The following GPR141 variants were observed in gnomAD, a reference collection of about 807,000 sequenced individuals.
GPR141 encodes G protein-coupled receptor 141.
GPR141 carries 6 observed loss-of-function variants against 6.8 expected under a neutral mutation model. The observed-to-expected ratio is 0.88, with a 90% confidence interval of 0.48 to 1.74. GPR141 has a LOEUF of 1.74. Ranked by LOEUF, GPR141 falls within the 40% of genes most tolerant of loss-of-function variation. GPR141 has a pLI of 0.01. For synonymous variants in GPR141, 140 were observed against 142.3 expected, an observed-to-expected ratio of 0.98 and a Z score of 0.11; for missense variants, 372 against 372.9, an observed-to-expected ratio of 1.00 and a Z score of 0.02.
Position 37,740,442 on chromosome 7 carries a change from A to T in GPR141, c.49A>T (p.Thr17Ser), listed in dbSNP as rs1812476043. 2 of 1,613,364 alleles carry T rather than the reference A, an allele frequency of 1.2e-6. No individual in the cohort carries two copies. The highest frequency in any genetic ancestry group is 8.5e-7 in the Non-Finnish European group (1 of 1,179,548). The change falls in exon 3 of 3, where the codon ACA becomes TCA. Residue 17 changes from threonine (T) to serine (S), a missense_variant. By Grantham distance (58) the Thr-to-Ser change is moderately conservative. Coordinates refer to ENST00000334425, the MANE Select transcript of GPR141 (RefSeq NM_001381946.1). ...GAATTCCTCTTGCGATCCTATAGTGACACCCCACTTAATCAGCCTCTACTT... is the reference window on the plus strand; with the variant it reads ...GAATTCCTCTTGCGATCCTATAGTGTCACCCCACTTAATCAGCCTCTACTT... ...SRNSSCDPIV[T>S]PHLISLYFIV...
chr7:37,707,595 T>C (rs1403987111), intron 2 of GPR141, among the ~76,000 whole-genome samples: 1 of 152,206 alleles, frequency 6.6e-6, no homozygotes, highest in African/African-American at 2.4e-5. Context: ...AAAAACTTTA[T>C]GAAACGGGTA....
intron 2 of GPR141, among the ~76,000 whole-genome samples, chr7:37,694,639 A>G (rs187105364): frequency 6.6e-6 from 1 of 152,380 alleles, no homozygotes; most frequent in African/African-American, 2.4e-5. Context: ...TACAAGAAAC[A>G]TGGCAGGTGT....
At chr7:37,713,661 A>G (rs1022903663) in intron 2 of GPR141, among the ~76,000 whole-genome samples, 3 of 152,176 alleles carry the variant, frequency 2.0e-5, no homozygotes, top group Non-Finnish European at 4.4e-5. Flanking sequence ...TATATCTGCA[A>G]TTGTTCTGCC....
At chr7:37,684,889 G>A (rs1313128957) in intron 1 of GPR141, among the ~76,000 whole-genome samples, 3 of 152,212 alleles carry the variant, frequency 2.0e-5, no homozygotes, top group Non-Finnish European at 4.4e-5. Flanking sequence ...CAATGGATGA[G>A]GAATCAGGTG....
intron 2 of GPR141, among the ~76,000 whole-genome samples, chr7:37,736,525 CA>C (rs1444593606): frequency 6.9e-6 from 1 of 144,352 alleles, no homozygotes. Context: ...GGCAAAAGTG[CA>C]AAAAAATCTT....
intron 2 of GPR141, among the ~76,000 whole-genome samples, chr7:37,710,808 T>C (rs146032420): frequency 6.6e-6 from 1 of 152,320 alleles, no homozygotes; most frequent in East Asian, 1.9e-4. Context: ...ATATTTTGAT[T>C]GCTATTTACT....
chr7:37,736,886 A>G (rs889170020), intron 2 of GPR141, among the ~76,000 whole-genome samples: 6 of 152,212 alleles, frequency 3.9e-5, no homozygotes, highest in Non-Finnish European at 8.8e-5. Context: ...AGAAAACTAA[A>G]TGGACAAAAA....
At chr7:37,732,880 T>C (rs1812041910) in intron 2 of GPR141, among the ~76,000 whole-genome samples, 1 of 152,082 alleles carries the variant, frequency 6.6e-6, no homozygotes, top group African/African-American at 2.4e-5. Context: ...TTACAAAGCT[T>C]GAGGTGGAGA....
At chr7:37,739,610 T>C (rs1488199055) in intron 2 of GPR141, among the ~76,000 whole-genome samples, 1 of 152,158 alleles carries the variant, frequency 6.6e-6, no homozygotes, top group Non-Finnish European at 1.5e-5. Flanking sequence ...TGAATAAGAA[T>C]ATGGAGAATG....
At chr7:37,691,825 C>G (rs78275728) in intron 2 of GPR141, among the ~76,000 whole-genome samples, 1 of 152,080 alleles carries the variant, frequency 6.6e-6, no homozygotes, top group African/African-American at 2.4e-5. Flanking sequence ...CCCTTTAACA[C>G]TTTGAATATG....
At chr7:37,717,947 G>A (rs1461033768) in intron 2 of GPR141, among the ~76,000 whole-genome samples, 1 of 152,040 alleles carries the variant, frequency 6.6e-6, no homozygotes, top group Non-Finnish European at 1.5e-5. Flanking sequence ...TGGATCCCCT[G>A]GTCTAATTGC....
Position 37,740,854 on chromosome 7 carries a change from G to T in GPR141, c.461G>T (p.Arg154Leu). ...ATTGTGGTACCCCTGGTTGTCTCCC[G>T]GTATGGAATCCATGAGGAATACAAT... Reference protein sequence around the residue: ...IVIVVPLVVSRYGIHEEYNEE... With the variant: ...IVIVVPLVVSLYGIHEEYNEE... The change falls in exon 3 of 3, where the codon CGG becomes CTG. Residue 154 changes from arginine to leucine, a missense_variant. Coordinates refer to ENST00000334425, the MANE Select transcript of GPR141 (RefSeq NM_001381946.1). 6.2e-7 allele frequency: 1 copy of T among 1,614,058 alleles called. No individual in the cohort carries two copies. The highest frequency in any genetic ancestry group is 8.5e-7 in the Non-Finnish European group (1 of 1,179,932).
chr7:37,729,003 G>A lies in GPR141; in HGVS notation c.-14-11377G>A, dbSNP rs1014441712. Among the ~76,000 whole-genome samples, 4 of 152,196 alleles carry A rather than the reference G, an allele frequency of 2.6e-5. No individual in the cohort carries two copies. The South Asian group carries it at 8.3e-4, about 32-fold the overall frequency. On this transcript the variant is annotated intron_variant, in intron 2 of 2. Transcript: ENST00000334425. ...TCTAGTTGTTTAGCTGTACATTTGG[G>A]TCCTAGAGAAACAAGAAGCAAGCTG...
At chr7:37,713,134 A>G (rs2131793885) in intron 2 of GPR141, among the ~76,000 whole-genome samples, 1 of 152,356 alleles carries the variant, frequency 6.6e-6, no homozygotes, top group South Asian at 2.1e-4. Context: ...GGCCAGAAGT[A>G]CATTATGCTC....
At chr7:37,684,660 A>T (rs767777651) in intron 1 of GPR141, among the ~76,000 whole-genome samples, 3 of 152,218 alleles carry the variant, frequency 2.0e-5, no homozygotes, top group Admixed American at 6.5e-5. Flanking sequence ...GCCTAACCTG[A>T]ATATAGGCAT....
intron 2 of GPR141, among the ~76,000 whole-genome samples, chr7:37,720,938 T>A (rs2131816479): frequency 6.6e-6 from 1 of 152,324 alleles, no homozygotes; most frequent in South Asian, 2.1e-4. Flanking sequence ...CCTCTTCTAG[T>A]ATTCTAATTA....
At chr7:37,721,837 AG>A (rs1290211638) in intron 2 of GPR141, among the ~76,000 whole-genome samples, 2 of 152,180 alleles carry the variant, frequency 1.3e-5, no homozygotes, top group Non-Finnish European at 2.9e-5. Flanking sequence ...TGTCTGTCTC[AG>A]GGGGCAATGG....
chr7:37,729,242 G>A (rs1811794455), intron 2 of GPR141, among the ~76,000 whole-genome samples: 1 of 152,174 alleles, frequency 6.6e-6, no homozygotes, highest in Non-Finnish European at 1.5e-5. Context: ...GAGGGCAGGG[G>A]AAAATCAGAG....
intron 2 of GPR141, among the ~76,000 whole-genome samples, chr7:37,725,177 G>A (rs551386967): frequency 2.6e-5 from 4 of 152,300 alleles, no homozygotes; most frequent in South Asian, 2.1e-4. Flanking sequence ...CTTGGAAGAA[G>A]GGGTGAATAT....
Sources: gnomAD v4.1 joint callset for allele counts (sites outside exome capture counted in the v4.1 genomes callset) on GRCh38, gnomAD v4.1.1 for gene constraint, MANE v1.5 for transcripts, NCBI Gene and HGNC (gene_info 2026-07-23, HGNC 2026-07-21) for gene names.